Variants in CFAP97D2 observed in about 807,000 individuals in gnomAD.
The protein encoded by CFAP97D2 is CFAP97 domain containing 2.
At chr13:114,219,754 C>T (rs1023139109) in intron 4 of CFAP97D2, among the ~76,000 whole-genome samples, 55 of 152,326 alleles carry the variant, frequency 3.6e-4, no homozygotes, top group African/African-American at 1.2e-3. Context: ...ACATGGGAAA[C>T]GACTCATTGT....
rs1458279234 is a variant in CFAP97D2 at position 114,198,622 on chromosome 13, TCCCCGC to T, written c.172-1702_172-1697del. ...AATCCATGGGCAAAGCAGCTGGTGGTCCCCGCTGAGGGGTGACGGCGCGTCCCCGTG... is the reference window on the plus strand; with the variant it reads ...AATCCATGGGCAAAGCAGCTGGTGGTTGAGGGGTGACGGCGCGTCCCCGTG... On this transcript the variant is annotated intron_variant, in intron 2 of 4. Coordinates refer to ENST00000646158, the Ensembl canonical transcript of CFAP97D2. Among the ~76,000 whole-genome samples the T allele has an allele frequency of 2.0e-5, 3 of 150,438 alleles. 1 individual carries two copies. The highest frequency in any genetic ancestry group is 3.9e-4 in the East Asian group (2 of 5,136).
At chr13:114,220,496 C>T (rs2081016665) in intron 4 of CFAP97D2, among the ~76,000 whole-genome samples, 1 of 152,162 alleles carries the variant, frequency 6.6e-6, no homozygotes, top group East Asian at 1.9e-4. Context: ...TTCCATCCTC[C>T]TTACCCCTTC....
Position 114,179,794 on chromosome 13 carries a change from GT to G in CFAP97D2, c.90+379del, listed in dbSNP as rs1043180923. 2.6e-5 allele frequency among the ~76,000 whole-genome samples: 4 copies of G among 151,812 alleles called. No individual in the cohort carries two copies. The highest frequency in any genetic ancestry group is 5.9e-5 in the Non-Finnish European group (4 of 67,908). On this transcript the variant is annotated intron_variant, in intron 1 of 4. Coordinates refer to ENST00000646158, the Ensembl canonical transcript of CFAP97D2. This position sits in a 1 kb window ranked among gnomAD's most constrained non-coding sequence, Gnocchi z 4.8. Reference sequence around the variant, plus strand: ...TTCTTTTTCTTTCTTTTTGTTTTTTGTTTTTGTTTTTGTTTTTGTTTGTTTT... The same window carrying G: ...TTCTTTTTCTTTCTTTTTGTTTTTTGTTTTGTTTTTGTTTTTGTTTGTTTT...
At position 114,222,230 on chromosome 13, in the gene CFAP97D2, G is replaced by A. The variant is rs2081025221; in HGVS notation, c.481-268G>A. Among the ~76,000 whole-genome samples, 1 of 152,132 alleles carries A rather than the reference G, an allele frequency of 6.6e-6. No homozygotes were observed. Among genetic ancestry groups the A allele is most frequent in the East Asian group, 1.9e-4 (1 of 5,198 alleles). ...TTGGGGAGTGATCCCAAAGGAGTTTGATTTTTGGAGGGGGAGGTGATGAAG... is the reference window on the plus strand; with the variant it reads ...TTGGGGAGTGATCCCAAAGGAGTTTAATTTTTGGAGGGGGAGGTGATGAAG... On this transcript the variant is annotated intron_variant, in intron 4 of 4. Transcript: ENST00000646158. The surrounding 1 kb of genome is among the most constrained non-coding windows in gnomAD (Gnocchi z 4.4).
At chr13:114,200,249 CAA>C (rs1339069169) in intron 2 of CFAP97D2, 74 bp from the exon 3 acceptor site, 1 of 393,408 alleles carries the variant, frequency 2.5e-6, no homozygotes, top group African/African-American at 2.1e-5. Flanking sequence ...CCAGGGCACT[CAA>C]GTCACAGAAA....
At position 114,187,114 on chromosome 13, in the gene CFAP97D2, G is replaced by A. The variant is rs1293322494; in HGVS notation, c.90+7694G>A. ...AGCAATATAGTGTTATTTGAAAGTG[G>A]ACTTGAGTTATTTGTAAGTACATAT... On this transcript the variant is annotated intron_variant, in intron 1 of 4. Coordinates refer to ENST00000646158, the Ensembl canonical transcript of CFAP97D2. The surrounding 1 kb of genome is among the most constrained non-coding windows in gnomAD (Gnocchi z 4.2). Among the ~76,000 whole-genome samples, 1 of 152,168 alleles carries A rather than the reference G, an allele frequency of 6.6e-6. No individual in the cohort carries two copies. The highest frequency in any genetic ancestry group is 1.9e-4 in the East Asian group (1 of 5,200).
chr13:114,199,444 CCACTGAGGCGTGACGG>C (rs2080904980), intron 2 of CFAP97D2, among the ~76,000 whole-genome samples: 1 of 20,842 alleles, frequency 4.8e-5, no homozygotes. Context: ...GGTACGGTCC[CCACTGAGGCGTGACGG>C]CGCTTCCCCG....
chr13:114,221,083 C>T (rs1208444513), intron 4 of CFAP97D2, among the ~76,000 whole-genome samples: 3 of 152,176 alleles, frequency 2.0e-5, no homozygotes, highest in African/African-American at 7.2e-5. Flanking sequence ...CCCGTCTCTA[C>T]TAAAAATACA....
chr13:114,209,015 TGGA>T (rs2080954325), intron 3 of CFAP97D2, among the ~76,000 whole-genome samples: 1 of 152,150 alleles, frequency 6.6e-6, no homozygotes, highest in Admixed American at 6.5e-5. Flanking sequence ...TTTTAAAGCC[TGGA>T]GGAGAATTTG....
Position 114,208,347 on chromosome 13 carries a change from C to T in CFAP97D2, c.291-3565C>T, listed in dbSNP as rs151196199. 9.9e-5 allele frequency among the ~76,000 whole-genome samples: 15 copies of T among 152,224 alleles called. No individual in the cohort carries two copies. In the East Asian group the frequency reaches 1.9e-3, roughly 20 times the overall value. On this transcript the variant is annotated intron_variant, in intron 3 of 4. Coordinates refer to ENST00000646158, the Ensembl canonical transcript of CFAP97D2. ...ACGACCTGCTTTGGAAGAATGGTGACGTCATAGACTCCTGAAAGCAGTGTG... is the reference window on the plus strand; with the variant it reads ...ACGACCTGCTTTGGAAGAATGGTGATGTCATAGACTCCTGAAAGCAGTGTG...
At chr13:114,204,881 G>GT (rs759442187) in intron 3 of CFAP97D2, among the ~76,000 whole-genome samples, 1 of 152,088 alleles carries the variant, frequency 6.6e-6, no homozygotes, top group Non-Finnish European at 1.5e-5. Context: ...TATCAAGAAA[G>GT]TAAAAAAAAC....
At chr13:114,219,185 T>G (rs547646439) in intron 4 of CFAP97D2, among the ~76,000 whole-genome samples, 8 of 152,288 alleles carry the variant, frequency 5.3e-5, no homozygotes, top group Middle Eastern at 3.4e-3. Flanking sequence ...TTACATCATT[T>G]TATTTTTAAT....
Position 114,198,678 on chromosome 13 carries a change from CA to C in CFAP97D2, c.172-1646del, listed in dbSNP as rs201056653. Reference sequence around the variant, plus strand: ...GTTTACGGTCCCCGCTGAGGCGTGACAGTGGGTCCCCGTGCGTACGGTCCCC... The same window carrying C: ...GTTTACGGTCCCCGCTGAGGCGTGACGTGGGTCCCCGTGCGTACGGTCCCC... On this transcript the variant is annotated intron_variant, in intron 2 of 4. Transcript: ENST00000646158. 1.0e-4 allele frequency among the ~76,000 whole-genome samples: 12 copies of C among 116,746 alleles called. 2 individuals carry two copies. The highest frequency in any genetic ancestry group is 3.8e-4 in the African/African-American group (11 of 29,306). The allele number at this position is 116,746 out of a possible 152,430, so 76.6% of individuals were successfully genotyped here.
intron 4 of CFAP97D2, among the ~76,000 whole-genome samples, chr13:114,213,618 T>C (rs1311346041): frequency 1.1e-3 from 68 of 62,444 alleles, no homozygotes; most frequent in Non-Finnish European, 1.2e-3. Context: ...GGACCACGGA[T>C]CCTACCCCTG....
At chr13:114,193,164 A>T (rs528939258) in intron 1 of CFAP97D2, among the ~76,000 whole-genome samples, 1 of 152,236 alleles carries the variant, frequency 6.6e-6, no homozygotes, top group Non-Finnish European at 1.5e-5. Context: ...TTTACAATAG[A>T]TATTTTATTT....
chr13:114,221,373 G>T (rs1431680815), intron 4 of CFAP97D2, among the ~76,000 whole-genome samples: 2 of 152,238 alleles, frequency 1.3e-5, no homozygotes, highest in African/African-American at 4.8e-5. Flanking sequence ...TCAGTTTACT[G>T]ATTCCGGGAA....
chr13:114,216,595 C>T (rs2080994427), intron 4 of CFAP97D2, among the ~76,000 whole-genome samples: 1 of 152,192 alleles, frequency 6.6e-6, no homozygotes, highest in African/African-American at 2.4e-5. Context: ...CCAGCTTCAT[C>T]CATGTCCCTA....
chr13:114,198,845 C>T (rs1361580484), intron 2 of CFAP97D2, among the ~76,000 whole-genome samples: 1 of 66,930 alleles, frequency 1.5e-5, no homozygotes, highest in Non-Finnish European at 2.5e-5. Flanking sequence ...AGCGCGTCCC[C>T]GTGTGTACGG....
chr13:114,210,191 T>C (rs1033321314), intron 3 of CFAP97D2, among the ~76,000 whole-genome samples: 1 of 152,258 alleles, frequency 6.6e-6, no homozygotes, highest in Non-Finnish European at 1.5e-5. Context: ...TGTGATCTTA[T>C]ATCCTGGCTT....
Sources: allele counts gnomAD v4.1 joint callset (sites outside exome capture counted in the v4.1 genomes callset), GRCh38; gene constraint gnomAD v4.1.1; non-coding constraint Gnocchi (gnomAD v3.1); transcripts MANE v1.5; gene names NCBI Gene and HGNC (gene_info 2026-07-23, HGNC 2026-07-21).